Variants in LRIG2 observed in about 807,000 individuals in gnomAD.
LRIG2 encodes the protein leucine rich repeats and immunoglobulin like domains 2, also known as leucine-rich repeats and immunoglobulin-like domains protein 2.
In LRIG2, 93 loss-of-function variants were observed where a neutral mutation model predicts 107.8. The ratio of observed to expected loss-of-function variants is 0.86; its 90% confidence interval spans 0.73 to 1.03. The LOEUF (loss-of-function observed/expected upper bound fraction) is 1.03, where lower values mean the gene tolerates loss of function less well. Among genes scored for constraint, LRIG2 ranks in the 50% least tolerant of loss-of-function variants. The pLI is 0.00. For synonymous variants in LRIG2, 471 were observed against 470.6 expected, an observed-to-expected ratio of 1.00 and a Z score of -0.01; for missense variants, 1,226 against 1,296.0, an observed-to-expected ratio of 0.95 and a Z score of 0.83.
chr1:113,083,759 T>C (rs1653397055), intron 1 of LRIG2, among the ~76,000 whole-genome samples: 1 of 149,242 alleles, frequency 6.7e-6, no homozygotes. Flanking sequence ...GCCCCACCTG[T>C]ACCTTAGACT....
At chr1:113,095,776 A>C in intron 6 of LRIG2, 98 bp from the exon 7 acceptor site, 2 of 1,219,370 alleles carry the variant, frequency 1.6e-6, no homozygotes, top group Admixed American at 1.8e-5. Flanking sequence ...GGGTTGAACA[A>C]AGGTATATGC....
Position 113,125,722 on chromosome 1 carries a change from G to A in LRIG2, c.*1621G>A, listed in dbSNP as rs10494150. ...TCTTGCCATGTTCTGACTGGGGTGA[G>A]CCGCTAGGATACAAATCACTATCAC... On this transcript the variant is annotated 3_prime_UTR_variant, in exon 18 of 18. Coordinates refer to ENST00000361127, the MANE Select transcript of LRIG2 (RefSeq NM_014813.3). 0.11 allele frequency: 17,426 copies of A among 152,186 alleles called. 1,111 individuals carry two copies. The highest frequency in any genetic ancestry group is 0.17 in the Admixed American group (2,548 of 15,262). 9.4% of individuals were successfully genotyped at this position (152,186 alleles called of 1,614,324 possible).
Position 113,129,448 on chromosome 1 carries a change from T to A in LRIG2, c.*5347T>A, listed in dbSNP as rs1482508846. 1 of 152,164 alleles carries A rather than the reference T, an allele frequency of 6.6e-6. No individual in the cohort carries two copies. Among genetic ancestry groups the A allele is most frequent in the Non-Finnish European group, 1.5e-5 (1 of 68,052 alleles). The allele number at this position is 152,164 out of a possible 1,614,324, so 9.4% of individuals were successfully genotyped here. On this transcript the variant is annotated 3_prime_UTR_variant, in exon 18 of 18. Coordinates refer to ENST00000361127, the MANE Select transcript of LRIG2 (RefSeq NM_014813.3). ...ATTGTGTCAACTCAGATGGTTGAGA[T>A]GTCCTTAGATATTCCTAGCTTGCCT... is the stretch of plus-strand genomic sequence containing the variant.
intron 1 of LRIG2, among the ~76,000 whole-genome samples, chr1:113,075,595 A>C (rs1652939465): frequency 6.6e-6 from 1 of 152,096 alleles, no homozygotes; most frequent in African/African-American, 2.4e-5. Context: ...TTTTTCTAAG[A>C]CATTCTTGGA....
intron 9 of LRIG2, among the ~76,000 whole-genome samples, chr1:113,099,064 G>A (rs889531579): frequency 6.6e-6 from 1 of 151,944 alleles, no homozygotes; most frequent in African/African-American, 2.4e-5. Context: ...AGCCTCCTGA[G>A]TAGCTTGGAT....
intron 15 of LRIG2, 39 bp from the exon 16 acceptor site, chr1:113,116,248 A>G (rs1655002775): frequency 6.4e-7 from 1 of 1,574,378 alleles, no homozygotes; most frequent in South Asian, 1.2e-5. Flanking sequence ...GTTGGCTTCA[A>G]CTGCCTACCT....
rs1654925191 is a variant in LRIG2 at position 113,114,681 on chromosome 1, A to G, written c.2335A>G (p.Ile779Val). ...SNTLGTERGH[I>V]YLNVISSPNC... ...CACCCTTGGGACAGAACGTGGCCACATTTACCTAAATGTCATTTCATCCCC... is the reference window on the plus strand; with the variant it reads ...CACCCTTGGGACAGAACGTGGCCACGTTTACCTAAATGTCATTTCATCCCC... Residue 779 changes from isoleucine (I) to valine (V), a missense_variant, in exon 15 of 18, where the codon ATT becomes GTT. Transcript: ENST00000361127. The G allele has an allele frequency of 1.2e-6, 2 of 1,614,118 alleles. No individual in the cohort carries two copies. The highest frequency in any genetic ancestry group is 1.3e-5 in the African/African-American group (1 of 75,034).
At position 113,110,522 on chromosome 1, in the gene LRIG2, T is replaced by C; in HGVS notation, c.1758T>C (p.Phe586=). ...GKYQCIVTNH[F]GSNYSQKAKL... ...ATCAGTGTATTGTTACTAATCACTT[T>C]GGTTCTAATTATTCTCAGAAAGCCA... is the stretch of plus-strand genomic sequence containing the variant. Residue 586 remains phenylalanine (F), a synonymous_variant, in exon 13 of 18, where the codon TTT becomes TTC. Coordinates refer to ENST00000361127, the MANE Select transcript of LRIG2 (RefSeq NM_014813.3). The C allele has an allele frequency of 6.2e-7, 1 of 1,611,756 alleles. No individual in the cohort carries two copies. Among genetic ancestry groups the C allele is most frequent in the Non-Finnish European group, 8.5e-7 (1 of 1,178,012 alleles).
At chr1:113,086,492 C>G (rs541141705) in intron 1 of LRIG2, among the ~76,000 whole-genome samples, 1 of 152,122 alleles carries the variant, frequency 6.6e-6, no homozygotes, top group East Asian at 1.9e-4. Flanking sequence ...CTGAAGTTCC[C>G]GGTTCAGCCT....
At chr1:113,117,430 TTATC>T (rs1655067268) in intron 16 of LRIG2, among the ~76,000 whole-genome samples, 1 of 152,230 alleles carries the variant, frequency 6.6e-6, no homozygotes, top group African/African-American at 2.4e-5. Context: ...CAACAGAACT[TTATC>T]TAATTGATAA....
In LRIG2 at chr1:113,116,318, C is replaced by G. The variant is rs764377360; in HGVS notation, c.2562C>G (p.Ser854Arg). 3 of 1,613,840 alleles carry G rather than the reference C, an allele frequency of 1.9e-6. No individual in the cohort carries two copies. In the South Asian group the frequency reaches 3.3e-5, roughly 18 times the overall value. Reference protein sequence around the residue: ...EELNLPADIPSYLSSQGTLSE... With the variant: ...EELNLPADIPRYLSSQGTLSE... ...TCAATCTGCCTGCAGACATTCCCAG[C>G]TACTTGTCTTCCCAAGGAACGCTGT... The change falls in exon 16 of 18, where the codon AGC becomes AGG. Residue 854 changes from serine (S) to arginine (R), a missense_variant. Transcript: ENST00000361127.
chr1:113,100,214 C>A lies in LRIG2; in HGVS notation c.1176C>A (p.Ile392=). The A allele has an allele frequency of 6.4e-7, 1 of 1,564,074 alleles. No homozygotes were observed. Among genetic ancestry groups the A allele is most frequent in the Non-Finnish European group, 8.7e-7 (1 of 1,143,476 alleles). ...GAAAGATCTGTTTATATTTCAGAAT[C>A]TTACAAGGAAACCAGATTAAGTCAA... ...FAGLTSLTKL[I]LQGNQIKSIT... The change falls in exon 10 of 18, where the codon ATC becomes ATA. Residue 392 remains isoleucine, a synonymous_variant. Coordinates refer to ENST00000361127, the MANE Select transcript of LRIG2 (RefSeq NM_014813.3).
Position 113,110,403 on chromosome 1 carries a change from A to G in LRIG2, c.1639A>G (p.Asn547Asp), listed in dbSNP as rs1294254080. 6.2e-7 allele frequency: 1 copy of G among 1,614,182 alleles called. No individual in the cohort carries two copies. Among genetic ancestry groups the G allele is most frequent in the East Asian group, 2.2e-5 (1 of 44,884 alleles). Residue 547 changes from asparagine to aspartate, a missense_variant, in exon 13 of 18, where the codon AAT (asparagine) becomes GAT (aspartate). Asn to Asp is a conservative substitution (Grantham distance 23). Around this residue, in one of 3 missense-constraint regions of LRIG2, gnomAD observed 642 missense variants for 712.2 expected, o/e 0.90. Coordinates refer to ENST00000361127, the MANE Select transcript of LRIG2 (RefSeq NM_014813.3). ...SEILYDVDTE[N>D]FVRYWQQAGE... ...AATCCTGTATGACGTGGATACTGAG[A>G]ATTTTGTTCGTTATTGGCAGCAAGC...
intron 17 of LRIG2, among the ~76,000 whole-genome samples, chr1:113,122,075 C>CG (rs1553231684): frequency 4.6e-5 from 4 of 87,056 alleles, no homozygotes; most frequent in Non-Finnish European, 8.1e-5. Flanking sequence ...TTAGGCTCAC[C>CG]TTTTTTTTTT....
chr1:113,099,261 A>C (rs1240290389), intron 9 of LRIG2, among the ~76,000 whole-genome samples: 2 of 1,774 alleles, frequency 1.1e-3, no homozygotes, highest in African/African-American at 9.7e-4. Context: ...TTTTTGAGAC[A>C]GGGTCTTGCT....
rs551365528 is a variant in LRIG2 at position 113,095,900 on chromosome 1, G to A, written c.830G>A (p.Arg277Gln). Reference protein sequence around the residue: ...ELELEHNNLTRVNKGWLYGLR... With the variant: ...ELELEHNNLTQVNKGWLYGLR... ...GAACTGGAACACAACAACCTTACACGAGTAAACAAGGGGTGGTTGTATGGC... is the reference window on the plus strand; with the variant it reads ...GAACTGGAACACAACAACCTTACACAAGTAAACAAGGGGTGGTTGTATGGC... Residue 277 changes from arginine (R) to glutamine (Q), a missense_variant, in exon 7 of 18, where the codon CGA (arginine) becomes CAA (glutamine). By Grantham distance (43) the Arg-to-Gln change is conservative. Coordinates refer to ENST00000361127, the MANE Select transcript of LRIG2 (RefSeq NM_014813.3). 4.3e-6 allele frequency: 7 copies of A among 1,614,154 alleles called. No individual in the cohort carries two copies. The highest frequency in any genetic ancestry group is 1.7e-5 in the Admixed American group (1 of 60,028).
In LRIG2 at chr1:113,130,890, CA is replaced by C. The variant is rs1655683016; in HGVS notation, c.*6792del. 1 of 152,136 alleles carries C rather than the reference CA, an allele frequency of 6.6e-6. No homozygotes were observed. Among genetic ancestry groups the C allele is most frequent in the South Asian group, 2.1e-4 (1 of 4,824 alleles). The allele number at this position is 152,136 out of a possible 1,614,324, so 9.4% of individuals were successfully genotyped here. ...GGCATAAATGGTATTACTATACTAA[CA>C]AATTTAAAAGCCTATAATGTATTAA... is the stretch of plus-strand genomic sequence containing the variant. On this transcript the variant is annotated 3_prime_UTR_variant, in exon 18 of 18. Coordinates refer to ENST00000361127, the MANE Select transcript of LRIG2 (RefSeq NM_014813.3).
rs750846953 is a variant in LRIG2 at position 113,125,220 on chromosome 1, C to T, written c.*1119C>T. The T allele has an allele frequency of 6.6e-6, 1 of 152,100 alleles. No individual in the cohort carries two copies. Among genetic ancestry groups the T allele is most frequent in the Non-Finnish European group, 1.5e-5 (1 of 68,006 alleles). 9.4% of individuals were successfully genotyped at this position (152,100 alleles called of 1,614,324 possible). A position where few individuals can be genotyped will look rare whatever the true frequency, so the allele number is the denominator to read the frequency against. On this transcript the variant is annotated 3_prime_UTR_variant, in exon 18 of 18. Coordinates refer to ENST00000361127, the MANE Select transcript of LRIG2 (RefSeq NM_014813.3). ...AAAACTTACTTGTTAAGAAGTGTAT[C>T]TATAGAGGCAGCTACTTAGTGATTG... is the stretch of plus-strand genomic sequence containing the variant.
intron 1 of LRIG2, among the ~76,000 whole-genome samples, chr1:113,080,411 G>A (rs1488755557): frequency 2.7e-5 from 4 of 148,208 alleles, no homozygotes; most frequent in South Asian, 2.1e-4. Context: ...ACGGAGTCTC[G>A]CTCTGTTGCC....
Sources: gnomAD v4.1 joint callset for allele counts (sites outside exome capture counted in the v4.1 genomes callset) on GRCh38, gnomAD v4.1.1 for gene constraint, gnomAD v4.1.1 regional missense constraint, MANE v1.5 for transcripts, NCBI Gene and HGNC (gene_info 2026-07-23, HGNC 2026-07-21) for gene names.